CFI: variants seen among roughly 807,000 people sequenced by gnomAD.
CFI encodes the protein C3B/C4B inactivator.
In CFI, 66 loss-of-function variants were observed where a neutral mutation model predicts 78.8. The observed-to-expected ratio is 0.84, with a 90% confidence interval of 0.69 to 1.03. The LOEUF is 1.03. Ranked by LOEUF, CFI falls within the 50% of genes least tolerant of loss-of-function variation. The pLI is 0.00. For missense variants in CFI, 706 were observed against 704.5 expected, an observed-to-expected ratio of 1.00 and a Z score of -0.02; for synonymous variants, 250 against 232.6, an observed-to-expected ratio of 1.07 and a Z score of -0.68.
At chr4:109,795,640 A>C (rs1731961886) in intron 1 of CFI, among the ~76,000 whole-genome samples, 1 of 152,198 alleles carries the variant, frequency 6.6e-6, no homozygotes, top group African/African-American at 2.4e-5. Context: ...CATGAGCAAA[A>C]TGAGATATTC....
chr4:109,753,661 A>T (rs1371490568), intron 7 of CFI, among the ~76,000 whole-genome samples: 2 of 98,966 alleles, frequency 2.0e-5, no homozygotes, highest in Non-Finnish European at 3.5e-5. Context: ...TATATTATAT[A>T]ATGTATAATT....
At chr4:109,793,316 A>C (rs1300028428) in intron 1 of CFI, 1 of 152,234 alleles carries the variant, frequency 6.6e-6, no homozygotes, top group Non-Finnish European at 1.5e-5. Flanking sequence ...GTTAACACAG[A>C]ATTAGAATCG....
intron 9 of CFI, 23 bp from the exon 10 acceptor site, chr4:109,749,344 C>A: frequency 6.3e-7 from 1 of 1,594,672 alleles, no homozygotes; most frequent in South Asian, 1.1e-5. Flanking sequence ...TTTGTGTGGT[C>A]ACTGCCATTC....
At chr4:109,763,709 T>A (rs1032844513) in intron 3 of CFI, among the ~76,000 whole-genome samples, 5 of 151,984 alleles carry the variant, frequency 3.3e-5, no homozygotes, top group Admixed American at 3.3e-4. Flanking sequence ...TCTAGAACCC[T>A]GCACGTGGAG....
chr4:109,749,082 A>C, intron 10 of CFI, 136 bp downstream of exon 10: 1 of 859,088 alleles, frequency 1.2e-6, no homozygotes, highest in Non-Finnish European at 2.0e-6. Flanking sequence ...AGTCGCGAAT[A>C]CCAGAGGATA....
chr4:109,783,812 GATAT>G (rs34128338), intron 1 of CFI, among the ~76,000 whole-genome samples: 2,555 of 113,064 alleles, frequency 0.023, 307 homozygotes, highest in African/African-American at 0.079. Flanking sequence ...AAGAAACTGT[GATAT>G]ATATATATAT....
Position 109,740,800 on chromosome 4 carries a change from T to TC in CFI, c.*92dup, listed in dbSNP as rs771229745. ...TATCCAGTGAGATTTGCTTCATTTT[T>TC]CCCCCCTAGAGAATTATTAATTATA... On this transcript the variant is annotated 3_prime_UTR_variant, in exon 13 of 13. Coordinates refer to ENST00000394634, the MANE Select transcript of CFI (RefSeq NM_000204.5). The TC allele has an allele frequency of 2.1e-5, 25 of 1,187,114 alleles. No individual in the cohort carries two copies. The South Asian group carries it at 2.5e-4, about 12-fold the overall frequency. The allele number at this position is 1,187,114 out of a possible 1,614,324, so 73.5% of individuals were successfully genotyped here.
chr4:109,740,827 C>G lies in CFI; in HGVS notation c.*66G>C, dbSNP rs765263923. 8 of 1,405,660 alleles carry G rather than the reference C, an allele frequency of 5.7e-6. No individual in the cohort carries two copies. The highest frequency in any genetic ancestry group is 8.0e-6 in the Non-Finnish European group (8 of 994,288). 87.1% of individuals were successfully genotyped at this position (1,405,660 alleles called of 1,614,324 possible). A position where few individuals can be genotyped will look rare whatever the true frequency, so the allele number is the denominator to read the frequency against. The stretch of plus-strand genomic sequence containing the variant: ...CCCCCTAGAGAATTATTAATTATAC[C>G]GTTTTATTTCCATTAAATGGAACTC... On this transcript the variant is annotated 3_prime_UTR_variant, in exon 13 of 13. Transcript: ENST00000394634.
intron 1 of CFI, among the ~76,000 whole-genome samples, chr4:109,770,322 G>A (rs758260757): frequency 1.2e-4 from 18 of 152,130 alleles, no homozygotes; most frequent in Non-Finnish European, 2.2e-4. Flanking sequence ...CACTTTGGGA[G>A]GCTGAGGTGG....
chr4:109,766,672 A>G lies in CFI; in HGVS notation c.210T>C (p.Asn70=), dbSNP rs778218196. Residue 70 remains asparagine, a synonymous_variant, in exon 2 of 13, where the codon AAT becomes AAC. Coordinates refer to ENST00000394634, the MANE Select transcript of CFI (RefSeq NM_000204.5). ...TGTTAGTTGCACACACTGCAGTGCC[A>G]TTCTTTGGGCACTGATACGGTAGTT... ...VCKLPYQCPK[N]GTAVCATNRR... 8.7e-6 allele frequency: 14 copies of G among 1,614,060 alleles called. No individual in the cohort carries two copies. The highest frequency in any genetic ancestry group is 1.3e-5 in the African/African-American group (1 of 74,930).
chr4:109,768,343 A>G (rs945036073), intron 1 of CFI, among the ~76,000 whole-genome samples: 83 of 151,044 alleles, frequency 5.5e-4, no homozygotes, highest in Non-Finnish European at 1.0e-3. Context: ...CTAAAAAAAA[A>G]AAAAAAAAAA....
intron 2 of CFI, among the ~76,000 whole-genome samples, chr4:109,765,843 G>T (rs1183251707): frequency 6.6e-6 from 1 of 152,176 alleles, no homozygotes; most frequent in East Asian, 1.9e-4. Context: ...GGTAGGCCAC[G>T]CATGGTGGCT....
At chr4:109,753,108 A>C (rs1406271683) in intron 7 of CFI, among the ~76,000 whole-genome samples, 1 of 103,722 alleles carries the variant, frequency 9.6e-6, no homozygotes, top group Non-Finnish European at 1.7e-5. Flanking sequence ...ACAAATATTT[A>C]TAATATATAT....
chr4:109,751,223 GT>G (rs1178352873), intron 8 of CFI, among the ~76,000 whole-genome samples: 2 of 151,786 alleles, frequency 1.3e-5, no homozygotes, highest in Non-Finnish European at 2.9e-5. Flanking sequence ...ATAGAAGATG[GT>G]TTTTTTTGGT....
intron 1 of CFI, among the ~76,000 whole-genome samples, chr4:109,796,103 C>A (rs573316147): frequency 2.2e-4 from 33 of 152,168 alleles, no homozygotes; most frequent in Admixed American, 9.8e-4. Flanking sequence ...TTTGAAAGAA[C>A]GAGAAAAGCA....
chr4:109,741,637 A>G lies in CFI; in HGVS notation c.1535-527T>C, dbSNP rs190816658. The stretch of plus-strand genomic sequence containing the variant: ...CACCTCAGAGCTTGTCCTCTTGACC[A>G]TGATACTCCCTTTTGGGAGATTTTG... On this transcript the variant is annotated intron_variant, in intron 12 of 12. Transcript: ENST00000394634. Among the ~76,000 whole-genome samples, 205 of 152,312 alleles carry G rather than the reference A, an allele frequency of 1.3e-3. 2 individuals are homozygous for G. Among genetic ancestry groups the G allele is most frequent in the African/African-American group, 4.6e-3 (191 of 41,560 alleles).
chr4:109,745,896 C>A (rs561984609), intron 11 of CFI, among the ~76,000 whole-genome samples: 2 of 152,104 alleles, frequency 1.3e-5, no homozygotes, highest in Non-Finnish European at 1.5e-5. Context: ...TATATATGAC[C>A]TTTGAAAGCC....
chr4:109,753,835 AATG>A (rs1725735126), intron 7 of CFI, among the ~76,000 whole-genome samples: 1 of 50,914 alleles, frequency 2.0e-5, no homozygotes, highest in East Asian at 6.6e-4. Context: ...TATATTATAT[AATG>A]TATAATCTTA....
Position 109,753,493 on chromosome 4 carries a change from TTTATA to T in CFI, c.905-995_905-991del. Among the ~76,000 whole-genome samples, 380 of 69,574 alleles carry T rather than the reference TTTATA, an allele frequency of 5.5e-3. 98 individuals carry two copies. Among genetic ancestry groups the T allele is most frequent in the African/African-American group, 0.021 (369 of 17,478 alleles). 45.6% of individuals were successfully genotyped at this position (69,574 alleles called of 152,430 possible). A position where few individuals can be genotyped will look rare whatever the true frequency, so the allele number is the denominator to read the frequency against. The stretch of plus-strand genomic sequence containing the variant: ...TATTAATAAATATTTATAATAAATA[TTTATA>T]ATATATTTATTATATAAATAAATAT... On this transcript the variant is annotated intron_variant, in intron 7 of 12. Transcript: ENST00000394634.
Sources: gnomAD v4.1 joint callset for allele counts (sites outside exome capture counted in the v4.1 genomes callset) on GRCh38, gnomAD v4.1.1 for gene constraint, MANE v1.5 for transcripts, NCBI Gene and HGNC (gene_info 2026-07-23, HGNC 2026-07-21) for gene names.